Variants in SPECC1 observed in about 807,000 individuals in gnomAD.
The protein encoded by SPECC1 is sperm antigen with calponin homology and coiled-coil domains 1.
Under a neutral mutation model 104.1 loss-of-function variants are expected in SPECC1, and 62 were observed. That is an observed-to-expected ratio of 0.60 (90% CI 0.49 to 0.74). The LOEUF (loss-of-function observed/expected upper bound fraction) is 0.74. Among genes scored for constraint, SPECC1 ranks in the 30% least tolerant of loss-of-function variants. The probability of loss-of-function intolerance (pLI) is 0.00; values close to 1 mark genes in which losing one functional copy is unlikely to be tolerated. For synonymous variants in SPECC1, 513 were observed against 501.6 expected (o/e 1.02, Z -0.30); for missense variants, 1,306 against 1,310.5 (o/e 1.00, Z 0.05).
chr17:20,188,403 G>A (rs935802666), intron 3 of SPECC1, among the ~76,000 whole-genome samples: 1 of 151,880 alleles, frequency 6.6e-6, no homozygotes, highest in African/African-American at 2.4e-5. Flanking sequence ...GGATACAGGT[G>A]CGCACCACCA....
At chr17:20,284,464 G>T (rs999089782) in intron 12 of SPECC1, among the ~76,000 whole-genome samples, 1 of 152,266 alleles carries the variant, frequency 6.6e-6, no homozygotes, top group African/African-American at 2.4e-5. Context: ...GATAGTCTGA[G>T]ATCAGAACAG....
intron 6 of SPECC1, 147 bp from the exon 7 acceptor site, chr17:20,232,053 C>T: frequency 1.0e-6 from 1 of 1,003,316 alleles, no homozygotes; most frequent in East Asian, 2.4e-5. Context: ...AGTGCCTTTT[C>T]CTAGCAGTGA....
At chr17:20,066,649 T>G (rs2046367370) in intron 1 of SPECC1, among the ~76,000 whole-genome samples, 2 of 152,348 alleles carry the variant, frequency 1.3e-5, no homozygotes, top group South Asian at 2.1e-4. Context: ...ATAAGAAAGC[T>G]TTCCTCAGGT....
At chr17:20,102,673 G>A (rs550526802) in intron 2 of SPECC1, among the ~76,000 whole-genome samples, 3 of 152,152 alleles carry the variant, frequency 2.0e-5, no homozygotes, top group South Asian at 4.1e-4. Flanking sequence ...TGGATTTACC[G>A]AAGAAGAGCC....
At chr17:20,306,155 G>A in intron 14 of SPECC1, 73 bp downstream of exon 14, 2 of 1,445,376 alleles carry the variant, frequency 1.4e-6, no homozygotes, top group Admixed American at 1.8e-5. Context: ...CTGATAAACA[G>A]TTTCTCGTAG....
At chr17:20,175,421 C>T (rs1384680646) in intron 3 of SPECC1, among the ~76,000 whole-genome samples, 1 of 152,124 alleles carries the variant, frequency 6.6e-6, no homozygotes, top group East Asian at 1.9e-4. Context: ...TGTGTGTGCC[C>T]TCTCCTGGCT....
chr17:20,105,018 A>G (rs1187095344), intron 2 of SPECC1, among the ~76,000 whole-genome samples: 1 of 152,052 alleles, frequency 6.6e-6, no homozygotes, highest in Non-Finnish European at 1.5e-5. Flanking sequence ...AGCCTCCAAC[A>G]TTTATGTTCT....
At chr17:20,144,815 T>C (rs897459329) in intron 3 of SPECC1, among the ~76,000 whole-genome samples, 2 of 152,106 alleles carry the variant, frequency 1.3e-5, no homozygotes, top group African/African-American at 4.8e-5. Context: ...AAGAAGGCAG[T>C]GGGCAGATAA....
chr17:20,217,712 A>G (rs191189188), intron 4 of SPECC1, among the ~76,000 whole-genome samples: 2 of 152,332 alleles, frequency 1.3e-5, no homozygotes, highest in East Asian at 1.9e-4. Flanking sequence ...GATTTCAGAC[A>G]TCAGCCTTCC....
Position 20,143,668 on chromosome 17 carries a change from C to CA in SPECC1, c.283+33116dup, listed in dbSNP as rs370418940. Among the ~76,000 whole-genome samples the CA allele has an allele frequency of 7.4e-3, 1,072 of 144,234 alleles. 11 individuals carry two copies. The highest frequency in any genetic ancestry group is 0.025 in the African/African-American group (976 of 39,426). 94.6% of individuals were successfully genotyped at this position (144,234 alleles called of 152,430 possible). On this transcript the variant is annotated intron_variant, in intron 3 of 14. Coordinates refer to ENST00000395527, the MANE Select transcript of SPECC1 (RefSeq NM_001243439.2). ...GTGCAACAGAGGTAAGACTCTGTCT[C>CA]AAAAAAAAAACAAAAAAACAACCAG...
intron 3 of SPECC1, among the ~76,000 whole-genome samples, chr17:20,184,856 C>T (rs1017825897): frequency 6.6e-6 from 1 of 152,216 alleles, no homozygotes; most frequent in African/African-American, 2.4e-5. Context: ...AGTCCTAGAG[C>T]TTGATTTTGA....
At position 20,271,693 on chromosome 17, in the gene SPECC1, C is replaced by T. The variant is rs118145105; in HGVS notation, c.2940+11399C>T. On this transcript the variant is annotated intron_variant, in intron 12 of 14. Transcript: ENST00000395527. ...GCCCTCTATGCCTGGTGCACAGAGTCCCTGTTAGTTCTTTGCCTCTCTCTT... is the reference window on the plus strand; with the variant it reads ...GCCCTCTATGCCTGGTGCACAGAGTTCCTGTTAGTTCTTTGCCTCTCTCTT... Among the ~76,000 whole-genome samples, 573 of 152,226 alleles carry T rather than the reference C, an allele frequency of 3.8e-3. 2 individuals are homozygous for T. The highest frequency in any genetic ancestry group is 0.011 in the South Asian group (53 of 4,818).
At chr17:20,042,884 C>T (rs760586506) in intron 1 of SPECC1, among the ~76,000 whole-genome samples, 8 of 152,142 alleles carry the variant, frequency 5.3e-5, no homozygotes, top group Non-Finnish European at 8.8e-5. Context: ...CTCCTCTTCC[C>T]CTTCCAGAAC....
At chr17:20,097,505 G>A (rs1567840279) in intron 2 of SPECC1, among the ~76,000 whole-genome samples, 1 of 152,204 alleles carries the variant, frequency 6.6e-6, no homozygotes, top group Non-Finnish European at 1.5e-5. Context: ...AGCACCACGG[G>A]CGTGACAGCT....
chr17:20,221,352 T>C (rs759494733), intron 4 of SPECC1, among the ~76,000 whole-genome samples: 59 of 152,234 alleles, frequency 3.9e-4, no homozygotes, highest in Non-Finnish European at 6.0e-4. Flanking sequence ...GTTACCGGTC[T>C]GTTCAGGTTT....
intron 2 of SPECC1, among the ~76,000 whole-genome samples, chr17:20,102,148 G>T (rs1030985064): frequency 6.6e-6 from 1 of 152,212 alleles, no homozygotes; most frequent in Non-Finnish European, 1.5e-5. Flanking sequence ...AGCAAAAAAT[G>T]CAGTGGTGAA....
chr17:20,281,592 C>T (rs2040774021), intron 12 of SPECC1, among the ~76,000 whole-genome samples: 1 of 152,184 alleles, frequency 6.6e-6, no homozygotes, highest in Non-Finnish European at 1.5e-5. Context: ...GGAGATTTCT[C>T]CAACATTTCC....
intron 1 of SPECC1, among the ~76,000 whole-genome samples, chr17:20,026,749 A>T (rs2044615279): frequency 6.6e-6 from 1 of 152,136 alleles, no homozygotes; most frequent in South Asian, 2.1e-4. Flanking sequence ...TTAACATGAG[A>T]GTGCATATAT....
intron 4 of SPECC1, among the ~76,000 whole-genome samples, chr17:20,217,973 A>AAT (rs1395596825): frequency 2.6e-5 from 4 of 152,128 alleles, no homozygotes; most frequent in South Asian, 2.1e-4. Flanking sequence ...TAGAGGCTGC[A>AAT]ATGACCCGTG....
Sources: allele counts gnomAD v4.1 joint callset (sites outside exome capture counted in the v4.1 genomes callset), GRCh38; gene constraint gnomAD v4.1.1; transcripts MANE v1.5; gene names NCBI Gene and HGNC (gene_info 2026-07-23, HGNC 2026-07-21).